The following TULP3 variants were observed in gnomAD, a reference collection of about 807,000 sequenced individuals.
TULP3 encodes TUB like protein 3.
In TULP3, 38 loss-of-function variants were observed where a neutral mutation model predicts 50.7. The ratio of observed to expected loss-of-function variants is 0.75; its 90% CI spans 0.58 to 0.98. The LOEUF (loss-of-function observed/expected upper bound fraction) is 0.98. TULP3 is among the 50% of genes least tolerant of loss of function. The probability of loss-of-function intolerance (pLI) is 0.00; values close to 1 mark genes in which losing one functional copy is unlikely to be tolerated. For synonymous variants in TULP3, 183 were observed against 196.6 expected (o/e 0.93, Z 0.58); for missense variants, 550 against 568.0 (o/e 0.97, Z 0.32).
chr12:2,934,432 T>C lies in TULP3; in HGVS notation c.810-15T>C. 1.3e-6 allele frequency: 2 copies of C among 1,529,310 alleles called. No homozygotes were observed. The highest frequency in any genetic ancestry group is 1.8e-6 in the Non-Finnish European group (2 of 1,136,340). 94.7% of individuals were successfully genotyped at this position (1,529,310 alleles called of 1,614,324 possible). A position where few individuals can be genotyped will look rare whatever the true frequency, so the allele number is the denominator to read the frequency against. ...AAATACAGATCATCATGGTGACTTT[T>C]TCTCCTGACTCCAGATCCAACCTCA... On this transcript the variant is annotated splice_polypyrimidine_tract_variant and intron_variant, in intron 7 of 10. Coordinates refer to ENST00000448120, the MANE Select transcript of TULP3 (RefSeq NM_003324.5).
At position 2,940,581 on chromosome 12, in the gene TULP3, A is replaced by G. The variant is rs375454893; in HGVS notation, c.*1137A>G. ...GAGCTCTGTGAGCTCCACCGTCAGC[A>G]CCATTCAGCTGCATCCCTTGTGCAC... On this transcript the variant is annotated 3_prime_UTR_variant, in exon 11 of 11. Transcript: ENST00000448120. The G allele has an allele frequency of 6.4e-7, 1 of 1,551,574 alleles. No homozygotes were observed. The highest frequency in any genetic ancestry group is 8.7e-7 in the Non-Finnish European group (1 of 1,146,994).
intron 2 of TULP3, among the ~76,000 whole-genome samples, chr12:2,913,534 G>A (rs377503862): frequency 6.6e-6 from 1 of 152,042 alleles, no homozygotes; most frequent in Non-Finnish European, 1.5e-5. Flanking sequence ...AAAGTGCTAG[G>A]ATTATAGGCA....
At chr12:2,922,241 T>A (rs140920055) in intron 3 of TULP3, 21 bp from the exon 4 acceptor site, 20 of 1,603,110 alleles carry the variant, frequency 1.2e-5, no homozygotes, top group Admixed American at 1.8e-5. Flanking sequence ...TTTTTAAAAT[T>A]CATTTTATTT....
In TULP3 at chr12:2,940,353, C is replaced by G; in HGVS notation, c.*909C>G. On this transcript the variant is annotated 3_prime_UTR_variant, in exon 11 of 11. Transcript: ENST00000448120. Reference sequence around the variant, plus strand: ...AAAAAAAAAAAGGTGGCAGGAGAGGCTTTGGGGAGGATCAGCCAGCAGACA... The same window carrying G: ...AAAAAAAAAAAGGTGGCAGGAGAGGGTTTGGGGAGGATCAGCCAGCAGACA... 6 of 1,434,730 alleles carry G rather than the reference C, an allele frequency of 4.2e-6. No homozygotes were observed. Among genetic ancestry groups the G allele is most frequent in the East Asian group, 2.7e-5 (1 of 36,830 alleles). The allele number at this position is 1,434,730 out of a possible 1,614,324, so 88.9% of individuals were successfully genotyped here.
Position 2,940,623 on chromosome 12 carries a change from G to C in TULP3, c.*1179G>C, listed in dbSNP as rs752060893. ...CTTGTGCACAGAACTGTTTGCCAGC[G>C]TTGGGTGGGACACCCGTGGCGGCTG... On this transcript the variant is annotated 3_prime_UTR_variant, in exon 11 of 11. Transcript: ENST00000448120. 2.6e-6 allele frequency: 4 copies of C among 1,551,732 alleles called. No individual in the cohort carries two copies. The highest frequency in any genetic ancestry group is 3.5e-6 in the Non-Finnish European group (4 of 1,147,004).
intron 1 of TULP3, among the ~76,000 whole-genome samples, chr12:2,908,907 A>G (rs898964419): frequency 1.3e-5 from 2 of 152,208 alleles, no homozygotes; most frequent in Admixed American, 1.3e-4. Context: ...TATTAATGAC[A>G]GACTTGAGTA....
chr12:2,902,155 TA>T lies in TULP3; in HGVS notation c.42-7373del, dbSNP rs1159584024. Among the ~76,000 whole-genome samples, 10 of 152,372 alleles carry T rather than the reference TA, an allele frequency of 6.6e-5. No homozygotes were observed. In the East Asian group the frequency reaches 1.5e-3, roughly 23 times the overall value. ...CTTCATGCAGCAGCTGATTACTAAA[TA>T]TTTACAATTATGAATTTCTCTAAAT... On this transcript the variant is annotated intron_variant, in intron 1 of 10. Coordinates refer to ENST00000448120, the MANE Select transcript of TULP3 (RefSeq NM_003324.5).
Position 2,930,261 on chromosome 12 carries a change from T to C in TULP3, c.408T>C (p.Ser136=). Residue 136 remains serine (S), a synonymous_variant, in exon 5 of 11, where the codon AGT becomes AGC. Coordinates refer to ENST00000448120, the MANE Select transcript of TULP3 (RefSeq NM_003324.5). ...ERLQKHDISE[S]VNFDEETDGI... is the part of the protein sequence containing the mutation. Reference sequence around the variant, plus strand: ...CTTTTCTGCTAGATATCTCTGAAAGTGTGAACTTCGATGAGGAGACTGATG... The same window carrying C: ...CTTTTCTGCTAGATATCTCTGAAAGCGTGAACTTCGATGAGGAGACTGATG... 6.2e-7 allele frequency: 1 copy of C among 1,611,822 alleles called. No homozygotes were observed. The highest frequency in any genetic ancestry group is 1.1e-5 in the South Asian group (1 of 90,552).
intron 1 of TULP3, among the ~76,000 whole-genome samples, chr12:2,906,733 T>C (rs1344355583): frequency 6.7e-5 from 10 of 150,182 alleles, no homozygotes; most frequent in Admixed American, 5.3e-4. Flanking sequence ...CTGGCCAACA[T>C]GATGAAACCC....
intron 4 of TULP3, among the ~76,000 whole-genome samples, chr12:2,923,351 A>G (rs2098192861): frequency 6.6e-6 from 1 of 152,210 alleles, no homozygotes; most frequent in East Asian, 1.9e-4. Context: ...TTGTATATTC[A>G]CTTATTTAGA....
chr12:2,939,228 C>G lies in TULP3; in HGVS notation c.1196-83C>G. 1 of 1,491,094 alleles carries G rather than the reference C, an allele frequency of 6.7e-7. No individual in the cohort carries two copies. Among genetic ancestry groups the G allele is most frequent in the Non-Finnish European group, 9.2e-7 (1 of 1,090,876 alleles). The allele number at this position is 1,491,094 out of a possible 1,614,324, so 92.4% of individuals were successfully genotyped here. A position where few individuals can be genotyped will look rare whatever the true frequency, so the allele number is the denominator to read the frequency against. On this transcript the variant is annotated intron_variant, in intron 10 of 10. Coordinates refer to ENST00000448120, the MANE Select transcript of TULP3 (RefSeq NM_003324.5). This position sits in a 1 kb window ranked among gnomAD's most constrained non-coding sequence, Gnocchi z 4.0. ...CCAGGGCGACAGAGCAAAACCCCAT[C>G]TAAGAAAAGGAAGAAAAAGAAAAAG... is the stretch of plus-strand genomic sequence containing the variant.
chr12:2,901,685 A>C (rs1192785069), intron 1 of TULP3, among the ~76,000 whole-genome samples: 3 of 152,006 alleles, frequency 2.0e-5, no homozygotes, highest in Non-Finnish European at 2.9e-5. Context: ...GCCTGGCTCC[A>C]ATTTTTAGTT....
intron 8 of TULP3, among the ~76,000 whole-genome samples, chr12:2,937,114 A>AG (rs1464242042): frequency 6.6e-6 from 1 of 151,430 alleles, no homozygotes; most frequent in Non-Finnish European, 1.5e-5. Flanking sequence ...CAAAAAAAAA[A>AG]AGAGAAGTAT....
intron 2 of TULP3, among the ~76,000 whole-genome samples, chr12:2,916,787 T>C (rs1199244078): frequency 6.6e-6 from 1 of 152,252 alleles, no homozygotes. Context: ...TGCACATATA[T>C]GTTTAATGGT....
intron 2 of TULP3, among the ~76,000 whole-genome samples, chr12:2,913,310 C>T (rs945978927): frequency 1.3e-5 from 2 of 151,296 alleles, no homozygotes; most frequent in East Asian, 1.9e-4. Context: ...TGCAGTGATA[C>T]GGTCATAGCT....
At chr12:2,925,060 C>T (rs936914648) in intron 4 of TULP3, among the ~76,000 whole-genome samples, 2 of 151,122 alleles carry the variant, frequency 1.3e-5, no homozygotes, top group African/African-American at 2.4e-5. Context: ...CCCAGCTACT[C>T]GGGAGGTTGA....
intron 4 of TULP3, among the ~76,000 whole-genome samples, chr12:2,929,757 A>AT (rs2098196833): frequency 6.6e-6 from 1 of 151,744 alleles, no homozygotes; most frequent in African/African-American, 2.4e-5. Context: ...CACCCGGCTA[A>AT]TTTTTTGTAT....
intron 2 of TULP3, among the ~76,000 whole-genome samples, chr12:2,911,441 C>T (rs368486666): frequency 6.1e-4 from 92 of 151,876 alleles, no homozygotes; most frequent in African/African-American, 2.1e-3. Flanking sequence ...CAAGCTCCAA[C>T]TCCCGGGTTC....
intron 4 of TULP3, among the ~76,000 whole-genome samples, chr12:2,929,870 T>G (rs2098196926): frequency 6.6e-6 from 1 of 152,154 alleles, no homozygotes; most frequent in African/African-American, 2.4e-5. Context: ...ATTACAGGCA[T>G]GAGCCACCGC....
Sources: gnomAD v4.1 joint callset for allele counts (sites outside exome capture counted in the v4.1 genomes callset) on GRCh38, gnomAD v4.1.1 for gene constraint, Gnocchi (gnomAD v3.1) non-coding constraint, MANE v1.5 for transcripts, NCBI Gene and HGNC (gene_info 2026-07-23, HGNC 2026-07-21) for gene names.